Variants in DCLRE1A observed in about 807,000 individuals in gnomAD.
DCLRE1A encodes the protein DNA cross-link repair 1A protein.
Under a neutral mutation model 91.9 loss-of-function variants are expected in DCLRE1A, and 64 were observed. That is an observed-to-expected ratio of 0.70 (90% CI 0.57 to 0.86). DCLRE1A has a LOEUF of 0.86. DCLRE1A is among the 40% of genes least tolerant of loss of function. The pLI, the probability that DCLRE1A is intolerant of heterozygous loss-of-function variation, is 0.00. For synonymous variants in DCLRE1A, 416 were observed against 431.1 expected, an observed-to-expected ratio of 0.96 and a Z score of 0.43; for missense variants, 1,145 against 1,213.3, an observed-to-expected ratio of 0.94 and a Z score of 0.84.
rs1047130726 is a variant in DCLRE1A at position 113,853,402 on chromosome 10, A to G, written c.-220T>C. The G allele has an allele frequency of 1.9e-5, 9 of 464,020 alleles. No individual in the cohort carries two copies. Among genetic ancestry groups the G allele is most frequent in the African/African-American group, 4.0e-5 (2 of 49,620 alleles). The allele number at this position is 464,020 out of a possible 1,614,324, so 28.7% of individuals were successfully genotyped here. ...CACCTGCTATTCCATTTATACCACA[A>G]TGAAACTAAGATAAACCTATCACAG... On this transcript the variant is annotated 5_prime_UTR_variant, in exon 1 of 9. Transcript: ENST00000361384.
Position 113,841,396 on chromosome 10 carries a change from G to A in DCLRE1A, c.2820+10C>T, listed in dbSNP as rs375334299. On this transcript the variant is annotated intron_variant, in intron 7 of 8. Transcript: ENST00000361384. ...GTTCATCCTAAAAGACATATCTCTT[G>A]AATGCTTACCTTAAAATTAATTTGC... 1.2e-6 allele frequency: 2 copies of A among 1,610,952 alleles called. No homozygotes were observed. Among genetic ancestry groups the A allele is most frequent in the Non-Finnish European group, 1.7e-6 (2 of 1,178,798 alleles).
rs181214695 is a variant in DCLRE1A, at chr10:113,849,509, C to T, written c.1596G>A (p.Pro532=). The T allele has an allele frequency of 3.3e-5, 54 of 1,613,894 alleles. No homozygotes were observed. The East Asian group carries it at 5.3e-4, about 16-fold the overall frequency. ...NTENLSSTPA[P]KYLKILPSGL... ...CAGAAGGCAATATTTTCAAATACTT[C>T]GGAGCAGGTGTACTAGACAAGTTTT... Residue 532 remains proline, a synonymous_variant, in exon 2 of 9, where the codon CCG becomes CCA. Transcript: ENST00000361384.
At chr10:113,843,319 G>A (rs1244887443) in intron 5 of DCLRE1A, among the ~76,000 whole-genome samples, 1 of 151,978 alleles carries the variant, frequency 6.6e-6, no homozygotes, top group African/African-American at 2.4e-5. Flanking sequence ...ATTCAGAATC[G>A]TATCAGAATA....
At position 113,853,345 on chromosome 10, in the gene DCLRE1A, T is replaced by C. The variant is rs1039456423; in HGVS notation, c.-163A>G. The C allele has an allele frequency of 2.8e-5, 18 of 636,634 alleles. No individual in the cohort carries two copies. The highest frequency in any genetic ancestry group is 4.4e-5 in the Non-Finnish European group (17 of 387,808). The allele number at this position is 636,634 out of a possible 1,614,324, so 39.4% of individuals were successfully genotyped here. ...GAATCTGCAGTGTTGGTAATGAACA[T>C]ATTGGCAAGCTACAAACCTTGTACC... On this transcript the variant is annotated 5_prime_UTR_variant, in exon 1 of 9. In the 5' UTR this introduces an upstream ATG that the reference lacks. Coordinates refer to ENST00000361384, the MANE Select transcript of DCLRE1A (RefSeq NM_014881.5).
chr10:113,838,015 T>C (rs1431515560), intron 7 of DCLRE1A, among the ~76,000 whole-genome samples: 1 of 152,190 alleles, frequency 6.6e-6, no homozygotes, highest in Admixed American at 6.5e-5. Context: ...ATTTTATTGA[T>C]GAATTGGTAA....
chr10:113,849,530 G>A lies in DCLRE1A; in HGVS notation c.1575C>T (p.Asn525=). ...ACTTCGGAGCAGGTGTACTAGACAA[G>A]TTTTCTGTATTTAAAATTGTAGCTT... ...VGKATILNTE[N]LSSTPAPKYL... The change falls in exon 2 of 9, where the codon AAC becomes AAT. Residue 525 remains asparagine (N), a synonymous_variant. Transcript: ENST00000361384. The A allele has an allele frequency of 6.2e-7, 1 of 1,613,758 alleles. No individual in the cohort carries two copies.
intron 1 of DCLRE1A, among the ~76,000 whole-genome samples, chr10:113,851,364 TTAA>T (rs1300771587): frequency 6.6e-6 from 1 of 152,178 alleles, no homozygotes; most frequent in Non-Finnish European, 1.5e-5. Context: ...TAACTACAGG[TTAA>T]TAATAAAATG....
intron 7 of DCLRE1A, among the ~76,000 whole-genome samples, chr10:113,837,759 T>C (rs1330352257): frequency 6.6e-6 from 1 of 152,202 alleles, no homozygotes; most frequent in Non-Finnish European, 1.5e-5. Flanking sequence ...CATACCACTA[T>C]TGTTGGAAGT....
chr10:113,841,287 G>T, intron 7 of DCLRE1A, 119 bp downstream of exon 7: 1 of 1,185,272 alleles, frequency 8.4e-7, no homozygotes, highest in Non-Finnish European at 1.2e-6. Context: ...AGATTGTCTA[G>T]GGCAAATTTT....
In DCLRE1A at chr10:113,837,201, G is replaced by A. The variant is rs1845376224; in HGVS notation, c.2823C>T (p.Gly941=). The A allele has an allele frequency of 6.2e-7, 1 of 1,607,464 alleles. No homozygotes were observed. The highest frequency in any genetic ancestry group is 8.5e-7 in the Non-Finnish European group (1 of 1,178,050). ...CACACTTCTTCAAATGACTCTGTAAGCCCTGTTAAATTAAAATAGCATATT... is the reference window on the plus strand; with the variant it reads ...CACACTTCTTCAAATGACTCTGTAAACCCTGTTAAATTAAAATAGCATATT... ...LLPMMQINFK[G]LQSHLKKCGG... Residue 941 remains glycine, a splice_region_variant and synonymous_variant, in exon 8 of 9, where the codon GGC becomes GGT. Coordinates refer to ENST00000361384, the MANE Select transcript of DCLRE1A (RefSeq NM_014881.5).
At chr10:113,842,548 TG>T in intron 5 of DCLRE1A, 60 bp from the exon 6 acceptor site, 1 of 1,509,578 alleles carries the variant, frequency 6.6e-7, no homozygotes, top group Non-Finnish European at 9.0e-7. Context: ...CACCTTAAGC[TG>T]GATGCTATTT....
rs925151686 is a variant in DCLRE1A at position 113,842,586 on chromosome 10, T to C, written c.2520-98A>G. On this transcript the variant is annotated intron_variant, in intron 5 of 8. Transcript: ENST00000361384. ...AGAAAACAAGCGTTAGCAACTTACATACAACAGCAATGTAATATATTAATA... is the reference window on the plus strand; with the variant it reads ...AGAAAACAAGCGTTAGCAACTTACACACAACAGCAATGTAATATATTAATA... 4 of 1,163,180 alleles carry C rather than the reference T, an allele frequency of 3.4e-6. No individual in the cohort carries two copies. The Admixed American group carries it at 6.6e-5, about 19-fold the overall frequency. 72.1% of individuals were successfully genotyped at this position (1,163,180 alleles called of 1,614,324 possible). A position where few individuals can be genotyped will look rare whatever the true frequency, so the allele number is the denominator to read the frequency against.
intron 8 of DCLRE1A, among the ~76,000 whole-genome samples, chr10:113,835,903 C>T (rs1845354388): frequency 1.3e-5 from 2 of 152,082 alleles, no homozygotes; most frequent in African/African-American, 4.8e-5. Context: ...CCACTGTACT[C>T]CAGCCTGGCG....
chr10:113,852,715 A>AG lies in DCLRE1A; in HGVS notation c.460+7dup. On this transcript the variant is annotated splice_region_variant and intron_variant, in intron 1 of 8. Transcript: ENST00000361384. ...ATTTAGAAACTACTACGTTTTCTGC[A>AG]GTCTTACCTGTTTCAGAGCGTGGTG... 6.2e-7 allele frequency: 1 copy of AG among 1,602,026 alleles called. No homozygotes were observed. The highest frequency in any genetic ancestry group is 8.5e-7 in the Non-Finnish European group (1 of 1,174,990).
rs759154763 is a variant in DCLRE1A, at chr10:113,844,197, A to T, written c.2426T>A (p.Val809Asp). ...MILFYLPNGT[V>D]ILHTGDFRAD... ...TCTGAAGTCTCCCGTGTGTAATATG[A>T]CAGTACCATTAGGAAGATAAAAGAG... Residue 809 changes from valine to aspartate, a missense_variant, in exon 5 of 9, where the codon GTC becomes GAC. Coordinates refer to ENST00000361384, the MANE Select transcript of DCLRE1A (RefSeq NM_014881.5). 1.9e-6 allele frequency: 3 copies of T among 1,614,182 alleles called. No individual in the cohort carries two copies. Among genetic ancestry groups the T allele is most frequent in the Non-Finnish European group, 8.5e-7 (1 of 1,180,022 alleles).
rs533831191 is a variant in DCLRE1A at position 113,846,083 on chromosome 10, C to T, written c.2260-280G>A. On this transcript the variant is annotated intron_variant, in intron 3 of 8. Transcript: ENST00000361384. The stretch of plus-strand genomic sequence containing the variant: ...CAGCCCATTCCTGTGGGTTTGTCTC[C>T]TGTTATTCCCTACCTTGTGTTCTAG... Among the ~76,000 whole-genome samples the T allele has an allele frequency of 7.2e-5, 11 of 152,264 alleles. No homozygotes were observed. In the South Asian group the frequency reaches 1.5e-3, roughly 20 times the overall value.
At position 113,835,028 on chromosome 10, in the gene DCLRE1A, T is replaced by C. The variant is rs963541748; in HGVS notation, c.*124A>G. ...TGTTGTTCAAACATAAATGAGAAAA[T>C]AAAGTATCTGAACAATCTTCATGAG... On this transcript the variant is annotated 3_prime_UTR_variant, in exon 9 of 9. Coordinates refer to ENST00000361384, the MANE Select transcript of DCLRE1A (RefSeq NM_014881.5). 4 of 990,586 alleles carry C rather than the reference T, an allele frequency of 4.0e-6. No individual in the cohort carries two copies. In the African/African-American group the frequency reaches 6.6e-5, roughly 16 times the overall value. The allele number at this position is 990,586 out of a possible 1,614,324, so 61.4% of individuals were successfully genotyped here.
rs1466514900 is a variant in DCLRE1A, at chr10:113,841,255, A to C, written c.2820+151T>G. 7.1e-6 allele frequency: 6 copies of C among 839,766 alleles called. No homozygotes were observed. In the African/African-American group the frequency reaches 1.1e-4, roughly 15 times the overall value. 52.0% of individuals were successfully genotyped at this position (839,766 alleles called of 1,614,324 possible). A position where few individuals can be genotyped will look rare whatever the true frequency, so the allele number is the denominator to read the frequency against. ...GAGTTGCACATCTAGAAAAACTATG[A>C]ACATTTAAAATTCCTCTTAAAAGAT... On this transcript the variant is annotated intron_variant, in intron 7 of 8. Transcript: ENST00000361384.
Position 113,841,573 on chromosome 10 carries a change from G to C in DCLRE1A, c.2666-13C>G. On this transcript the variant is annotated splice_polypyrimidine_tract_variant and intron_variant, in intron 6 of 8. Coordinates refer to ENST00000361384, the MANE Select transcript of DCLRE1A (RefSeq NM_014881.5). ...ACATCAGCAATGGCTATGGGCAAAA[G>C]AAAAGATTAAAAATAGTAAACTTAC... The C allele has an allele frequency of 6.3e-7, 1 of 1,579,524 alleles. No individual in the cohort carries two copies. Among genetic ancestry groups the C allele is most frequent in the Non-Finnish European group, 8.6e-7 (1 of 1,168,818 alleles).
Sources: allele counts gnomAD v4.1 joint callset (sites outside exome capture counted in the v4.1 genomes callset), GRCh38; gene constraint gnomAD v4.1.1; transcripts MANE v1.5; gene names NCBI Gene and HGNC (gene_info 2026-07-23, HGNC 2026-07-21).